The following MEGF8 variants were observed in gnomAD, a reference collection of about 807,000 sequenced individuals.
The protein encoded by MEGF8 is multiple epidermal growth factor-like domains protein 8.
In MEGF8, 156 loss-of-function variants were observed where a neutral mutation model predicts 302.9. The ratio of observed to expected loss-of-function variants is 0.52; its 90% CI spans 0.45 to 0.59. MEGF8 has a LOEUF of 0.59. Among genes scored for constraint, MEGF8 ranks in the 20% least tolerant of loss-of-function variants. The pLI, the probability that MEGF8 is intolerant of heterozygous loss-of-function variation, is 0.00. For missense variants in MEGF8, 3,345 were observed against 3,964.5 expected (o/e 0.84, Z 4.20); for synonymous variants, 1,621 against 1,660.5 (o/e 0.98, Z 0.58).
In MEGF8 at chr19:42,375,481, G is replaced by T. The variant is rs752588397; in HGVS notation, c.7270-26G>T. The T allele has an allele frequency of 1.3e-6, 2 of 1,540,514 alleles. No individual in the cohort carries two copies. Among genetic ancestry groups the T allele is most frequent in the Non-Finnish European group, 8.7e-7 (1 of 1,143,496 alleles). On this transcript the variant is annotated intron_variant, in intron 41 of 41. Transcript: ENST00000251268. The surrounding 1 kb of genome is among the most constrained non-coding windows in gnomAD (Gnocchi z 7.1). The stretch of plus-strand genomic sequence containing the variant: ...GCTGGCACCGCACTCAGCCCTGATG[G>T]TCACCGCCTCTAACCCTGCCCGCAG...
chr19:42,348,606 TTG>T (rs1424656702), intron 13 of MEGF8, 134 bp downstream of exon 13: 2 of 882,988 alleles, frequency 2.3e-6, no homozygotes, highest in Admixed American at 2.9e-5. Context: ...GATGGATTTT[TTG>T]TGTGTGTGTA....
chr19:42,355,829 C>A lies in MEGF8; in HGVS notation c.4216C>A (p.Arg1406Ser). Residue 1406 changes from arginine (R) to serine (S), a missense_variant, in exon 24 of 42, where the codon CGC becomes AGC. By Grantham distance (110) the Arg-to-Ser change is moderately radical. Coordinates refer to ENST00000251268, the MANE Select transcript of MEGF8 (RefSeq NM_001271938.2). The part of the protein sequence containing the change: ...WGFNASVGSA[R>S]CGSGGPGSCP... ...CTTCAATGCTTCGGTGGGCTCTGCC[C>A]GCTGTGGGTCAGGGGGCCCCGGGAG... is the stretch of plus-strand genomic sequence containing the variant. The A allele has an allele frequency of 6.4e-7, 1 of 1,570,828 alleles. No homozygotes were observed. The highest frequency in any genetic ancestry group is 1.2e-5 in the South Asian group (1 of 85,954).
In MEGF8 at chr19:42,368,902, G is replaced by A; in HGVS notation, c.6541G>A (p.Glu2181Lys). Residue 2181 changes from glutamate (E) to lysine (K), a missense_variant, in exon 37 of 42, where the codon GAG becomes AAG. Coordinates refer to ENST00000251268, the MANE Select transcript of MEGF8 (RefSeq NM_001271938.2). This position sits in a 1 kb window ranked among gnomAD's most constrained non-coding sequence, Gnocchi z 4.9. The stretch of plus-strand genomic sequence containing the variant: ...CTTCCTGTCCTGCCCCCCTGAGGAC[G>A]AGTGTGCAAACGGGCACCACGACTG... ...WAFLSCPPED[E>K]CANGHHDCNE... 6.2e-7 allele frequency: 1 copy of A among 1,613,890 alleles called. No homozygotes were observed. Among genetic ancestry groups the A allele is most frequent in the Non-Finnish European group, 8.5e-7 (1 of 1,179,892 alleles).
At chr19:42,346,399 G>A (rs527668453) in intron 12 of MEGF8, among the ~76,000 whole-genome samples, 62 of 152,168 alleles carry the variant, frequency 4.1e-4, no homozygotes, top group South Asian at 2.9e-3. Context: ...AAAATTAGCC[G>A]GGCGTGATGT....
Position 42,358,646 on chromosome 19 carries a change from G to C in MEGF8, c.5176-141G>C, listed in dbSNP as rs892285801. ...TTCAAGGCCAAGGAGAATGTGTGTG[G>C]GAGGGCAGGGAGCCCTGTCTGCACT... On this transcript the variant is annotated intron_variant, in intron 29 of 41. Transcript: ENST00000251268. This position sits in a 1 kb window ranked among gnomAD's most constrained non-coding sequence, Gnocchi z 4.4. The C allele has an allele frequency of 2.3e-5, 23 of 1,008,180 alleles. No homozygotes were observed. Among genetic ancestry groups the C allele is most frequent in the Non-Finnish European group, 3.1e-5 (22 of 709,168 alleles). 62.5% of individuals were successfully genotyped at this position (1,008,180 alleles called of 1,614,324 possible). A position where few individuals can be genotyped will look rare whatever the true frequency, so the allele number is the denominator to read the frequency against.
chr19:42,331,735 A>T (rs1235805380), intron 1 of MEGF8, among the ~76,000 whole-genome samples: 1 of 148,994 alleles, frequency 6.7e-6, no homozygotes, highest in Non-Finnish European at 1.5e-5. Flanking sequence ...TATCCAGCTA[A>T]TTTTTTGTAT....
chr19:42,371,280 C>A, intron 40 of MEGF8, 70 bp from the exon 41 acceptor site: 2 of 1,565,478 alleles, frequency 1.3e-6, no homozygotes, highest in Non-Finnish European at 1.7e-6. Flanking sequence ...GAGTTGAGCT[C>A]ACATATGGGG....
rs755134868 is a variant in MEGF8, at chr19:42,369,687, G to A, written c.6798G>A (p.Ala2266=). The change falls in exon 38 of 42, where the codon GCG becomes GCA. Residue 2266 remains alanine (A), a synonymous_variant. Transcript: ENST00000251268. This position sits in a 1 kb window ranked among gnomAD's most constrained non-coding sequence, Gnocchi z 5.7. ...NRHSECAGVG[A]RDHCLLCRNH... is the part of the protein sequence containing the mutation. ...ACAGTGAATGCGCTGGTGTTGGGGCGCGTGACCACTGCTTGCTCTGCCGCA... is the reference window on the plus strand; with the variant it reads ...ACAGTGAATGCGCTGGTGTTGGGGCACGTGACCACTGCTTGCTCTGCCGCA... 1.9e-5 allele frequency: 31 copies of A among 1,611,516 alleles called. No homozygotes were observed. The East Asian group carries it at 2.2e-4, about 12-fold the overall frequency.
intron 1 of MEGF8, 117 bp from the exon 2 acceptor site, chr19:42,333,488 T>G (rs949791995): frequency 1.8e-5 from 22 of 1,194,360 alleles, no homozygotes; most frequent in Non-Finnish European, 2.6e-5. Context: ...GTCTGACTCA[T>G]TCTTGAGCCC....
rs905995090 is a variant in MEGF8 at position 42,356,508 on chromosome 19, A to G, written c.4622+55A>G. Reference sequence around the variant, plus strand: ...GCAAATAAGAGAAGGTCACCTCGGGATGCTAAGAGTCACCTCAGAGGAGTG... The same window carrying G: ...GCAAATAAGAGAAGGTCACCTCGGGGTGCTAAGAGTCACCTCAGAGGAGTG... On this transcript the variant is annotated intron_variant, in intron 26 of 41. Coordinates refer to ENST00000251268, the MANE Select transcript of MEGF8 (RefSeq NM_001271938.2). The surrounding 1 kb of genome is among the most constrained non-coding windows in gnomAD (Gnocchi z 5.2). 4 of 1,370,922 alleles carry G rather than the reference A, an allele frequency of 2.9e-6. No homozygotes were observed. The highest frequency in any genetic ancestry group is 4.0e-6 in the Non-Finnish European group (4 of 1,010,462). The allele number at this position is 1,370,922 out of a possible 1,614,324, so 84.9% of individuals were successfully genotyped here. A position where few individuals can be genotyped will look rare whatever the true frequency, so the allele number is the denominator to read the frequency against.
At position 42,358,058 on chromosome 19, in the gene MEGF8, T is replaced by G; in HGVS notation, c.5012-86T>G. 1 of 1,293,054 alleles carries G rather than the reference T, an allele frequency of 7.7e-7. No individual in the cohort carries two copies. The highest frequency in any genetic ancestry group is 1.0e-6 in the Non-Finnish European group (1 of 982,024). 80.1% of individuals were successfully genotyped at this position (1,293,054 alleles called of 1,614,324 possible). ...CCAGTCTCAGGGCCGGGGAAGGGAG[T>G]GGTCACCGAACAGGGGACCGGGAGG... On this transcript the variant is annotated intron_variant, in intron 28 of 41. Transcript: ENST00000251268. The surrounding 1 kb of genome is among the most constrained non-coding windows in gnomAD (Gnocchi z 4.4).
intron 38 of MEGF8, among the ~76,000 whole-genome samples, 155 bp from the exon 39 acceptor site, chr19:42,370,034 A>G (rs2039663575): frequency 6.6e-6 from 1 of 152,170 alleles, no homozygotes; most frequent in African/African-American, 2.4e-5. Flanking sequence ...GTGCAAGGGA[A>G]GGCGGGGGCT....
Position 42,358,907 on chromosome 19 carries a change from G to T in MEGF8, c.5296G>T (p.Ala1766Ser), listed in dbSNP as rs2039491567. 9 of 1,611,910 alleles carry T rather than the reference G, an allele frequency of 5.6e-6. No individual in the cohort carries two copies. The East Asian group carries it at 2.0e-4, about 36-fold the overall frequency. ...GAAGATGGCTCTGTGGGCTGCTCTTGCTGGTACAGGAGGTTTCCTGGAGGA... is the reference window on the plus strand; with the variant it reads ...GAAGATGGCTCTGTGGGCTGCTCTTTCTGGTACAGGAGGTTTCCTGGAGGA... The part of the protein sequence containing the change: ...RKKMALWAAL[A>S]GTGGFLEEIS... Residue 1766 changes from alanine (A) to serine (S), a missense_variant, in exon 30 of 42, where the codon GCT becomes TCT. By Grantham distance (99) the Ala-to-Ser change is moderately conservative. Transcript: ENST00000251268. The surrounding 1 kb of genome is among the most constrained non-coding windows in gnomAD (Gnocchi z 4.4).
chr19:42,351,702 GTGTCTGCA>G lies in MEGF8; in HGVS notation c.3043_3050del (p.Cys1015GlufsTer10). On this transcript the variant is annotated frameshift_variant, in exon 18 of 42. Coordinates refer to ENST00000251268, the MANE Select transcript of MEGF8 (RefSeq NM_001271938.2). LOFTEE classifies it high-confidence loss of function. This position sits in a 1 kb window ranked among gnomAD's most constrained non-coding sequence, Gnocchi z 5.6. ...GCGATGGCTTCCTGACCTGCCATGA[GTGTCTGCA>G]GAGCCACGAGTGTGGCTGGTGTGGC... 6.3e-7 allele frequency: 1 copy of G among 1,596,408 alleles called. No homozygotes were observed. Among genetic ancestry groups the G allele is most frequent in the South Asian group, 1.1e-5 (1 of 87,830 alleles).
Position 42,361,002 on chromosome 19 carries a change from C to T in MEGF8, c.5716C>T (p.His1906Tyr). ...HGACLSGDQA[H>Y]RLGCGGSPCS... ...GGCCTGCTTGTCCGGGGATCAGGCC[C>T]ACAGGTAACCATGGCGACCATGACA... Residue 1906 changes from histidine to tyrosine, a missense_variant, in exon 32 of 42, where the codon CAC becomes TAC. Physicochemically the swap from His to Tyr is moderately conservative, Grantham distance 83. Coordinates refer to ENST00000251268, the MANE Select transcript of MEGF8 (RefSeq NM_001271938.2). The T allele has an allele frequency of 6.5e-7, 1 of 1,544,176 alleles. No individual in the cohort carries two copies.
chr19:42,355,746 C>T lies in MEGF8; in HGVS notation c.4145-12C>T, dbSNP rs750572016. On this transcript the variant is annotated splice_polypyrimidine_tract_variant and intron_variant, in intron 23 of 41. Coordinates refer to ENST00000251268, the MANE Select transcript of MEGF8 (RefSeq NM_001271938.2). ...TGACTTTGCTACCAGCCTCTGGCCT[C>T]TCTCTTCACAGGGCTGCTCGTGCTG... is the stretch of plus-strand genomic sequence containing the variant. The T allele has an allele frequency of 6.4e-7, 1 of 1,559,798 alleles. No individual in the cohort carries two copies. Among genetic ancestry groups the T allele is most frequent in the Non-Finnish European group, 8.7e-7 (1 of 1,147,448 alleles).
rs1482777933 is a variant in MEGF8 at position 42,351,447 on chromosome 19, C to G, written c.2874C>G (p.Asp958Glu). 1 of 1,598,072 alleles carries G rather than the reference C, an allele frequency of 6.3e-7. No homozygotes were observed. The highest frequency in any genetic ancestry group is 1.1e-5 in the South Asian group (1 of 88,520). The change falls in exon 17 of 42, where the codon GAC becomes GAG. Residue 958 changes from aspartate to glutamate, a missense_variant. By Grantham distance (45) the Asp-to-Glu change is conservative. Transcript: ENST00000251268. This position sits in a 1 kb window ranked among gnomAD's most constrained non-coding sequence, Gnocchi z 5.6. ...ACCCCAGGCGACTGACCTGTGAGGA[C>G]TGCCTGGCCAACTCTAGCCAGTGCG... ...PLCSQRLTCE[D>E]CLANSSQCAW...
chr19:42,359,051 A>G, intron 30 of MEGF8, 47 bp from the exon 31 acceptor site: 1 of 1,528,054 alleles, frequency 6.5e-7, no homozygotes, highest in Non-Finnish European at 8.8e-7. Context: ...AGCAGAGGAC[A>G]GCTCTGACAG....
intron 8 of MEGF8, among the ~76,000 whole-genome samples, chr19:42,341,417 A>G (rs1478455486): frequency 7.1e-6 from 1 of 141,618 alleles, no homozygotes; most frequent in East Asian, 2.2e-4. Context: ...TAACAGAGGG[A>G]TACTCCATCT....
Sources: gnomAD v4.1 joint callset for allele counts (sites outside exome capture counted in the v4.1 genomes callset) on GRCh38, gnomAD v4.1.1 for gene constraint, Gnocchi (gnomAD v3.1) non-coding constraint, MANE v1.5 for transcripts, NCBI Gene and HGNC (gene_info 2026-07-23, HGNC 2026-07-21) for gene names.